Variants in CCDC102B observed in about 807,000 individuals in gnomAD.
CCDC102B encodes coiled-coil domain-containing protein 102B.
CCDC102B carries 75 observed loss-of-function variants against 57.4 expected under a neutral mutation model. The observed-to-expected ratio is 1.31, with a 90% confidence interval of 1.08 to 1.58. The LOEUF (loss-of-function observed/expected upper bound fraction) is 1.58, where lower values mean the gene tolerates loss of function less well. Among genes scored for constraint, CCDC102B ranks in the 40% most tolerant of loss-of-function variants. The probability of loss-of-function intolerance (pLI) is 0.00; values close to 1 mark genes in which losing one functional copy is unlikely to be tolerated. For synonymous variants in CCDC102B, 206 were observed against 201.9 expected (o/e 1.02, Z -0.17); for missense variants, 636 against 582.6 (o/e 1.09, Z -0.94).
At chr18:68,758,446 T>A (rs2034132045) in intron 2 of CCDC102B, among the ~76,000 whole-genome samples, 2 of 152,084 alleles carry the variant, frequency 1.3e-5, no homozygotes, top group Non-Finnish European at 2.9e-5. Context: ...TATAATAGAT[T>A]GTTTAAGACA....
intron 6 of CCDC102B, among the ~76,000 whole-genome samples, chr18:68,918,527 G>T (rs532219789): frequency 2.6e-5 from 4 of 152,278 alleles, no homozygotes; most frequent in African/African-American, 9.6e-5. Context: ...TCTTTTTAGA[G>T]AGATACCTTT....
intron 6 of CCDC102B, among the ~76,000 whole-genome samples, chr18:68,933,835 A>G (rs1020844045): frequency 1.3e-5 from 2 of 151,932 alleles, no homozygotes; most frequent in African/African-American, 4.8e-5. Context: ...AAACATAACT[A>G]AAGAACATAT....
chr18:68,845,127 T>C (rs1266043110), intron 3 of CCDC102B, among the ~76,000 whole-genome samples: 1 of 151,898 alleles, frequency 6.6e-6, no homozygotes, highest in Non-Finnish European at 1.5e-5. Context: ...AACTTTTTAA[T>C]AGGCTGCTTC....
At chr18:68,959,879 T>A (rs2145225463) in intron 6 of CCDC102B, among the ~76,000 whole-genome samples, 1 of 152,200 alleles carries the variant, frequency 6.6e-6, no homozygotes, top group African/African-American at 2.4e-5. Flanking sequence ...AGTCTCTCTC[T>A]TCAGGGTAGT....
At chr18:68,968,283 G>GT (rs142865445) in intron 6 of CCDC102B, among the ~76,000 whole-genome samples, 3,690 of 152,162 alleles carry the variant, frequency 0.024, 119 homozygotes, top group East Asian at 0.15. Context: ...TAAAGCACTG[G>GT]TTTTTTCCAT....
chr18:68,780,849 C>T (rs1381439938), intron 2 of CCDC102B, among the ~76,000 whole-genome samples: 1 of 152,042 alleles, frequency 6.6e-6, no homozygotes, highest in African/African-American at 2.4e-5. Context: ...ATTATACAGT[C>T]TGAGGAGAAT....
chr18:68,961,451 G>C (rs547824700), intron 6 of CCDC102B, among the ~76,000 whole-genome samples: 1 of 151,660 alleles, frequency 6.6e-6, no homozygotes, highest in African/African-American at 2.4e-5. Flanking sequence ...CATTCTTTTG[G>C]TAATAAGATG....
intron 2 of CCDC102B, among the ~76,000 whole-genome samples, chr18:68,788,582 A>C (rs1199333491): frequency 6.7e-6 from 1 of 150,294 alleles, no homozygotes; most frequent in Non-Finnish European, 1.5e-5. Context: ...ACCATTATGT[A>C]ATGGCCTTCT....
At chr18:68,727,092 C>T (rs531034207) in intron 2 of CCDC102B, among the ~76,000 whole-genome samples, 1 of 152,282 alleles carries the variant, frequency 6.6e-6, no homozygotes, top group South Asian at 2.1e-4. Context: ...CCCATTAAAT[C>T]ACCTGGAAAA....
At chr18:68,996,184 C>T (rs563318194) in intron 6 of CCDC102B, among the ~76,000 whole-genome samples, 1 of 152,238 alleles carries the variant, frequency 6.6e-6, no homozygotes, top group East Asian at 1.9e-4. Flanking sequence ...TGGGCATCAT[C>T]TAATCATCTA....
At chr18:69,034,052 A>G (rs941530353) in intron 7 of CCDC102B, among the ~76,000 whole-genome samples, 1 of 151,910 alleles carries the variant, frequency 6.6e-6, no homozygotes, top group Admixed American at 6.6e-5. Context: ...TTGTCTTTTT[A>G]TAATTTAGTT....
chr18:68,836,725 A>G (rs1490600842), intron 1 of CCDC102B, 24 bp from the exon 2 acceptor site: 1 of 1,567,076 alleles, frequency 6.4e-7, no homozygotes, highest in Non-Finnish European at 8.6e-7. Flanking sequence ...TCAGCGTGAA[A>G]TTATGGTCTC....
chr18:68,810,672 T>TTTGTTTG lies in CCDC102B; in HGVS notation c.-16+12493_-16+12494insGTTTGTT, dbSNP rs142142466. 5.9e-4 allele frequency among the ~76,000 whole-genome samples: 56 copies of TTTGTTTG among 94,852 alleles called. 1 individual carries two copies. The highest frequency in any genetic ancestry group is 4.9e-3 in the East Asian group (11 of 2,262). The allele number at this position is 94,852 out of a possible 152,430, so 62.2% of individuals were successfully genotyped here. ...GACGGTTTTGAAAAATTTTCTTTTC[T>TTTGTTTG]TTTCTTTGTTTTTTTTTTTTTTTTT... On this transcript the variant is annotated intron_variant, in intron 1 of 7. Coordinates refer to ENST00000360242, the MANE Select transcript of CCDC102B (RefSeq NM_024781.3).
chr18:68,842,239 A>G (rs1376652875), intron 3 of CCDC102B, among the ~76,000 whole-genome samples: 5 of 75,688 alleles, frequency 6.6e-5, no homozygotes, highest in African/African-American at 1.2e-4. Flanking sequence ...TATATAAAGT[A>G]TATATATATA....
chr18:68,949,282 T>C (rs1242449003), intron 6 of CCDC102B, among the ~76,000 whole-genome samples: 1 of 152,080 alleles, frequency 6.6e-6, no homozygotes, highest in East Asian at 1.9e-4. Flanking sequence ...ATATTAACCA[T>C]CACAGCTGGT....
At chr18:68,792,671 T>C (rs1344027117) in intron 2 of CCDC102B, among the ~76,000 whole-genome samples, 1 of 152,210 alleles carries the variant, frequency 6.6e-6, no homozygotes, top group Non-Finnish European at 1.5e-5. Context: ...TACACATACT[T>C]GAACCGAGGC....
At chr18:68,904,800 G>T (rs183847096) in intron 6 of CCDC102B, among the ~76,000 whole-genome samples, 1 of 152,016 alleles carries the variant, frequency 6.6e-6, no homozygotes, top group Non-Finnish European at 1.5e-5. Flanking sequence ...AGTGGATAAG[G>T]TTTTGCATAT....
chr18:68,749,221 C>G (rs1345659514), intron 2 of CCDC102B, among the ~76,000 whole-genome samples: 1 of 152,116 alleles, frequency 6.6e-6, no homozygotes, highest in Non-Finnish European at 1.5e-5. Flanking sequence ...ATGCCTCCAG[C>G]TTTGTTCTTT....
intron 6 of CCDC102B, 162 bp downstream of exon 6, chr18:68,897,590 C>T (rs1181681653): frequency 3.2e-6 from 5 of 1,573,594 alleles, no homozygotes; most frequent in Middle Eastern, 1.7e-4. Context: ...TGTAAAATAA[C>T]GTTCATGCAT....
Sources: allele counts gnomAD v4.1 joint callset (sites outside exome capture counted in the v4.1 genomes callset), GRCh38; gene constraint gnomAD v4.1.1; transcripts MANE v1.5; gene names NCBI Gene and HGNC (gene_info 2026-07-23, HGNC 2026-07-21).